DAB1: variants seen among roughly 807,000 people sequenced by gnomAD.
The protein encoded by DAB1 is disabled homolog 1.
A neutral mutation model predicts 64.6 loss-of-function variants in DAB1; 15 were observed. The ratio of observed to expected loss-of-function variants is 0.23; its 90% CI spans 0.16 to 0.36. The LOEUF is 0.36. Ranked by LOEUF, DAB1 falls within the 10% of genes least tolerant of loss-of-function variation. DAB1 has a pLI of 1.00. For missense variants in DAB1, 596 were observed against 706.7 expected, an observed-to-expected ratio of 0.84 and a Z score of 1.78; for synonymous variants, 235 against 251.9, an observed-to-expected ratio of 0.93 and a Z score of 0.64.
intron 1 of DAB1, among the ~76,000 whole-genome samples, chr1:57,408,410 T>C (rs2101050320): frequency 6.6e-6 from 1 of 152,322 alleles, no homozygotes; most frequent in African/African-American, 2.4e-5. Flanking sequence ...AATGGGTGAC[T>C]ATTCCTACTC....
chr1:57,855,924 C>T (rs902657159), intron 1 of DAB1, among the ~76,000 whole-genome samples: 2 of 152,106 alleles, frequency 1.3e-5, no homozygotes, highest in Non-Finnish European at 1.5e-5. Flanking sequence ...TCCCAGGAGG[C>T]AAGACGCTAG....
chr1:57,639,313 A>C (rs1317833205), intron 7 of DAB1, among the ~76,000 whole-genome samples: 1 of 151,188 alleles, frequency 6.6e-6, no homozygotes, highest in Non-Finnish European at 1.5e-5. Flanking sequence ...TAACTTTATA[A>C]AGTTCTTTAT....
intron 11 of DAB1, 143 bp downstream of exon 11, chr1:57,023,388 T>C (rs1646682494): frequency 1.6e-6 from 1 of 608,180 alleles, no homozygotes; most frequent in Non-Finnish European, 3.0e-6. Flanking sequence ...CCTCCTCCTC[T>C]AAATAGCTTC....
At chr1:57,588,547 A>G (rs1645406610) in intron 7 of DAB1, among the ~76,000 whole-genome samples, 1 of 152,224 alleles carries the variant, frequency 6.6e-6, no homozygotes, top group South Asian at 2.1e-4. Context: ...TCAAAGAAAA[A>G]AGTGAGTCCT....
At chr1:57,484,924 G>A (rs145273865) in intron 7 of DAB1, among the ~76,000 whole-genome samples, 6 of 152,280 alleles carry the variant, frequency 3.9e-5, no homozygotes, top group East Asian at 1.9e-4. Flanking sequence ...GGAAAATCAC[G>A]AGACTGTATA....
At chr1:58,341,449 A>G (rs1643932848) in intron 4 of DAB1, among the ~76,000 whole-genome samples, 1 of 152,196 alleles carries the variant, frequency 6.6e-6, no homozygotes, top group African/African-American at 2.4e-5. Context: ...AGTGGGAAGC[A>G]GAGACTATAT....
chr1:57,651,710 G>T (rs528293580), intron 6 of DAB1, among the ~76,000 whole-genome samples: 1 of 151,994 alleles, frequency 6.6e-6, no homozygotes, highest in Non-Finnish European at 1.5e-5. Context: ...CAGGCTTAAA[G>T]TTCATGTCTT....
Position 57,018,780 on chromosome 1 carries a change from T to A in DAB1, c.896-3349A>T, listed in dbSNP as rs182867358. On this transcript the variant is annotated intron_variant, in intron 11 of 14. Transcript: ENST00000371236. ...CATTGTCTTAAGTATAAGGCTCAGA[T>A]GTCTTAGCTTGGCTATGCGTCCTTG... Among the ~76,000 whole-genome samples, 298 of 152,342 alleles carry A rather than the reference T, an allele frequency of 2.0e-3. 3 individuals carry two copies. The highest frequency in any genetic ancestry group is 2.1e-3 in the South Asian group (10 of 4,828).
In DAB1 at chr1:58,391,294, C is replaced by A. The variant is rs144278765; in HGVS notation, n.258-47891G>T. On this transcript the variant is annotated intron_variant and non_coding_transcript_variant, in intron 3 of 20. Transcript: ENST00000485760. ...GAGCAGAGCAGTGAGACTGCAATAG[C>A]CAGATTGTGTCGCTTCTCTCTCCTC... Among the ~76,000 whole-genome samples the A allele has an allele frequency of 1.2e-4, 19 of 152,316 alleles. No homozygotes were observed. In the East Asian group the frequency reaches 3.7e-3, roughly 29 times the overall value.
intron 3 of DAB1, among the ~76,000 whole-genome samples, chr1:58,390,836 C>T (rs960642596): frequency 2.0e-5 from 3 of 152,040 alleles, no homozygotes; most frequent in Non-Finnish European, 4.4e-5. Context: ...TTCAGGGTCA[C>T]GCAGGTGGTG....
At chr1:57,644,391 G>T (rs936855610) in intron 7 of DAB1, among the ~76,000 whole-genome samples, 2 of 152,142 alleles carry the variant, frequency 1.3e-5, no homozygotes, top group Non-Finnish European at 2.9e-5. Context: ...TACAGAAAAG[G>T]GAGTCATAGA....
At chr1:57,747,419 T>A (rs1209565994) in intron 6 of DAB1, among the ~76,000 whole-genome samples, 1 of 152,180 alleles carries the variant, frequency 6.6e-6, no homozygotes, top group African/African-American at 2.4e-5. Context: ...ACTAATGTAG[T>A]ATTTGGAACA....
At chr1:57,591,435 TA>T (rs992117627) in intron 7 of DAB1, among the ~76,000 whole-genome samples, 10 of 152,184 alleles carry the variant, frequency 6.6e-5, no homozygotes, top group Non-Finnish European at 1.0e-4. Context: ...CCAAAATTCA[TA>T]AAGGCAGCAC....
chr1:57,468,372 T>C (rs866077623), intron 7 of DAB1, among the ~76,000 whole-genome samples: 1 of 152,114 alleles, frequency 6.6e-6, no homozygotes, highest in African/African-American at 2.4e-5. Flanking sequence ...CGGAGTAAGG[T>C]TTGTTGGAGT....
intron 2 of DAB1, among the ~76,000 whole-genome samples, chr1:57,281,483 T>C (rs564244169): frequency 3.0e-4 from 46 of 152,244 alleles, no homozygotes; most frequent in African/African-American, 1.0e-3. Context: ...GGAACTGCAA[T>C]TGATTCAGTG....
At position 57,750,972 on chromosome 1, in the gene DAB1, C is replaced by T. The variant is rs565444808; in HGVS notation, n.552-101307G>A. On this transcript the variant is annotated intron_variant and non_coding_transcript_variant, in intron 6 of 20. Transcript: ENST00000485760. ...TTAACATTTTGATCATATTTCTATT[C>T]CCACCCCAGTCTCCTCCTGGGGGAT... 3.9e-5 allele frequency among the ~76,000 whole-genome samples: 6 copies of T among 152,232 alleles called. 1 individual carries two copies. The South Asian group carries it at 1.0e-3, about 26-fold the overall frequency.
chr1:57,241,966 TCATTTCCCC>T (rs1470545501), intron 2 of DAB1, among the ~76,000 whole-genome samples: 1 of 152,204 alleles, frequency 6.6e-6, no homozygotes, highest in Admixed American at 6.5e-5. Context: ...CACAGTCAAG[TCATTTCCCC>T]CATTCCTATA....
chr1:57,862,293 G>C (rs1654081591), intron 1 of DAB1: 1 of 152,176 alleles, frequency 6.6e-6, no homozygotes, highest in South Asian at 2.1e-4. Context: ...ACAACTTCAT[G>C]AAATAGACAA....
intron 2 of DAB1, among the ~76,000 whole-genome samples, chr1:57,150,912 T>C (rs952520311): frequency 5.9e-5 from 9 of 152,144 alleles, no homozygotes; most frequent in African/African-American, 1.9e-4. Flanking sequence ...TCCCAGCACT[T>C]TGAGAGGCCA....
Sources: gnomAD v4.1 joint callset for allele counts (sites outside exome capture counted in the v4.1 genomes callset) on GRCh38, gnomAD v4.1.1 for gene constraint, MANE v1.5 for transcripts, NCBI Gene and HGNC (gene_info 2026-07-23, HGNC 2026-07-21) for gene names.